The following DPP6 variants were observed in gnomAD, a reference collection of about 807,000 sequenced individuals.
The protein encoded by DPP6 is dipeptidyl peptidase like 6.
Under a neutral mutation model 122.6 loss-of-function variants are expected in DPP6, and 69 were observed. That is an observed-to-expected ratio of 0.56 (90% CI 0.46 to 0.69). The LOEUF (loss-of-function observed/expected upper bound fraction) is 0.69. DPP6 is among the 30% of genes least tolerant of loss of function. The pLI is 0.00. For synonymous variants in DPP6, 418 were observed against 433.1 expected (o/e 0.97, Z 0.43); for missense variants, 928 against 1,116.9 (o/e 0.83, Z 2.41).
intron 2 of DPP6, among the ~76,000 whole-genome samples, chr7:154,449,232 A>C (rs958556572): frequency 2.4e-4 from 37 of 152,200 alleles, no homozygotes; most frequent in African/African-American, 8.0e-4. Context: ...CAAACAAACA[A>C]AAAAACAAAT....
chr7:154,717,599 A>G (rs1189651889), intron 7 of DPP6, among the ~76,000 whole-genome samples: 1 of 152,044 alleles, frequency 6.6e-6, no homozygotes, highest in Non-Finnish European at 1.5e-5. Flanking sequence ...GCTAAATACT[A>G]TTTCCTTGTA....
Position 153,948,644 on chromosome 7 carries a change from G to A in DPP6, c.51+60910G>A, listed in dbSNP as rs377022624. 5.3e-5 allele frequency among the ~76,000 whole-genome samples: 8 copies of A among 149,784 alleles called. No homozygotes were observed. In the East Asian group the frequency reaches 1.2e-3, roughly 22 times the overall value. On this transcript the variant is annotated intron_variant, in intron 1 of 25. Coordinates refer to the DPP6 transcript ENST00000404039. The stretch of plus-strand genomic sequence containing the variant: ...ATTTTTATTTTTTTTAGGATCAGAT[G>A]AGATAAAATATGTAGACTTATTCAA...
At chr7:154,238,892 G>T (rs1801390884) in intron 1 of DPP6, among the ~76,000 whole-genome samples, 1 of 152,142 alleles carries the variant, frequency 6.6e-6, no homozygotes, top group Admixed American at 6.5e-5. Context: ...ACAACAGATC[G>T]GGCTTCAAAT....
chr7:153,913,938 T>G (rs919981589), intron 1 of DPP6, among the ~76,000 whole-genome samples: 6 of 152,182 alleles, frequency 3.9e-5, no homozygotes, highest in African/African-American at 1.4e-4. Flanking sequence ...AAGAAACTGC[T>G]TGCTTCTCCT....
At chr7:154,692,631 T>A (rs957786423) in intron 7 of DPP6, among the ~76,000 whole-genome samples, 1 of 152,066 alleles carries the variant, frequency 6.6e-6, no homozygotes, top group Non-Finnish European at 1.5e-5. Context: ...GGGTGTGAAA[T>A]TCTAATTTCT....
the DPP6 span, among the ~76,000 whole-genome samples, chr7:153,809,086 C>T: frequency 6.6e-6 from 1 of 152,132 alleles, no homozygotes; most frequent in African/African-American, 2.4e-5. Flanking sequence ...TAATAATAAA[C>T]ATCCTAACGG....
At chr7:154,416,343 C>T (rs1362767407) in intron 1 of DPP6, among the ~76,000 whole-genome samples, 1 of 152,162 alleles carries the variant, frequency 6.6e-6, no homozygotes, top group African/African-American at 2.4e-5. Context: ...GCTAACACAA[C>T]ACGATGCCTG....
At chr7:154,331,069 C>G (rs532887836) in intron 1 of DPP6, among the ~76,000 whole-genome samples, 40 of 152,340 alleles carry the variant, frequency 2.6e-4, no homozygotes, top group African/African-American at 9.6e-4. Context: ...GTCATCTCCC[C>G]TCCGACAACA....
intron 5 of DPP6, among the ~76,000 whole-genome samples, chr7:154,582,905 G>A (rs915095630): frequency 3.9e-5 from 6 of 152,116 alleles, no homozygotes; most frequent in South Asian, 2.1e-4. Context: ...TTATACCCCC[G>A]GGGGAAGGTA....
At chr7:154,314,111 C>A (rs554667394) in intron 1 of DPP6, among the ~76,000 whole-genome samples, 44 of 152,192 alleles carry the variant, frequency 2.9e-4, no homozygotes, top group African/African-American at 1.1e-3. Flanking sequence ...AGCTAACTTA[C>A]GGGGGAGTTG....
At chr7:153,900,239 T>G (rs1392745299) in intron 1 of DPP6, among the ~76,000 whole-genome samples, 1 of 6,222 alleles carries the variant, frequency 1.6e-4, no homozygotes, top group African/African-American at 5.0e-3. Context: ...CATCTTTCTG[T>G]TTTTTTTTTT....
intron 7 of DPP6, among the ~76,000 whole-genome samples, chr7:154,696,285 G>T (rs994016672): frequency 6.6e-6 from 1 of 152,162 alleles, no homozygotes. Context: ...GTACCCCTGG[G>T]GTGATGAGGA....
At chr7:153,885,904 T>TAATTAA (rs1309850938), upstream of DPP6, among the ~76,000 whole-genome samples, 9 of 152,220 alleles carry the variant, frequency 5.9e-5, no homozygotes, top group East Asian at 1.7e-3. Flanking sequence ...ATCATTCGTG[T>TAATTAA]TTGCATGTGG....
At chr7:154,046,552 G>A (rs371549151) in intron 1 of DPP6, among the ~76,000 whole-genome samples, 2 of 152,166 alleles carry the variant, frequency 1.3e-5, no homozygotes, top group Admixed American at 6.5e-5. Flanking sequence ...CACATGCTCC[G>A]CTATATTATG....
intron 10 of DPP6, 94 bp downstream of exon 10, chr7:154,773,036 A>G: frequency 7.4e-7 from 1 of 1,351,362 alleles, no homozygotes; most frequent in Non-Finnish European, 9.6e-7. Flanking sequence ...TTATCTTACA[A>G]CAAGTTTAAA....
chr7:154,393,350 G>A (rs1220187411), intron 1 of DPP6, among the ~76,000 whole-genome samples: 2 of 152,170 alleles, frequency 1.3e-5, no homozygotes, highest in African/African-American at 2.4e-5. Context: ...TGCCTTGGAC[G>A]AGCCTAGTGC....
intron 1 of DPP6, among the ~76,000 whole-genome samples, chr7:154,065,635 A>G (rs1449531539): frequency 1.3e-5 from 2 of 151,968 alleles, no homozygotes; most frequent in Non-Finnish European, 2.9e-5. Flanking sequence ...CAAATTGTCC[A>G]TCAAGGTATA....
At chr7:154,636,755 G>A (rs1333999166) in intron 5 of DPP6, among the ~76,000 whole-genome samples, 1 of 152,206 alleles carries the variant, frequency 6.6e-6, no homozygotes, top group Non-Finnish European at 1.5e-5. Context: ...GGTGGTATTA[G>A]CAAATCCTAC....
At chr7:154,841,843 A>G (rs114420846) in intron 16 of DPP6, among the ~76,000 whole-genome samples, 3,397 of 152,100 alleles carry the variant, frequency 0.022, 114 homozygotes, top group African/African-American at 0.076. Flanking sequence ...AATTGGATTG[A>G]AGCAAAACTA....
Sources: allele counts gnomAD v4.1 joint callset (sites outside exome capture counted in the v4.1 genomes callset), GRCh38; gene constraint gnomAD v4.1.1; transcripts MANE v1.5; gene names NCBI Gene and HGNC (gene_info 2026-07-23, HGNC 2026-07-21).